Variants in DIS3L2 observed in about 807,000 individuals in gnomAD.
The protein encoded by DIS3L2 is DIS3 like 3'-5' exoribonuclease 2.
A neutral mutation model predicts 97.5 loss-of-function variants in DIS3L2; 34 were observed. The ratio of observed to expected loss-of-function variants is 0.35; its 90% CI spans 0.27 to 0.46. DIS3L2 has a LOEUF of 0.46. DIS3L2 is among the 20% of genes least tolerant of loss of function. The pLI, the probability that DIS3L2 is intolerant of heterozygous loss-of-function variation, is 1.00. For synonymous variants in DIS3L2, 435 were observed against 445.2 expected, an observed-to-expected ratio of 0.98 and a Z score of 0.29; for missense variants, 1,038 against 1,146.0, an observed-to-expected ratio of 0.91 and a Z score of 1.36.
intron 11 of DIS3L2, among the ~76,000 whole-genome samples, chr2:232,239,645 T>C (rs956937098): frequency 1.3e-5 from 2 of 152,176 alleles, no homozygotes; most frequent in African/African-American, 2.4e-5. Context: ...ATTTGCTCAT[T>C]GACTGCCCTA....
intron 1 of DIS3L2, among the ~76,000 whole-genome samples, chr2:231,976,108 A>G (rs763966489): frequency 5.9e-5 from 9 of 152,132 alleles, no homozygotes; most frequent in Non-Finnish European, 8.8e-5. Context: ...CAATAGTTTT[A>G]GGGGTACAAG....
chr2:232,218,538 A>C (rs958567364), intron 10 of DIS3L2, among the ~76,000 whole-genome samples: 1 of 152,154 alleles, frequency 6.6e-6, no homozygotes, highest in Non-Finnish European at 1.5e-5. Flanking sequence ...ATTTGAGGCC[A>C]GGAGTTCAAG....
At chr2:232,210,197 T>G (rs749787474) in intron 9 of DIS3L2, 129 bp from the exon 10 acceptor site, 24 of 659,318 alleles carry the variant, frequency 3.6e-5, no homozygotes, top group African/African-American at 5.4e-5. Flanking sequence ...CTCATTCTCG[T>G]AGAAGTTATT....
At chr2:232,103,452 G>A (rs903819912) in intron 6 of DIS3L2, among the ~76,000 whole-genome samples, 7 of 152,112 alleles carry the variant, frequency 4.6e-5, no homozygotes, top group African/African-American at 1.7e-4. Context: ...TGCCTTTTGA[G>A]CCTCTTTCAA....
intron 12 of DIS3L2, among the ~76,000 whole-genome samples, chr2:232,251,587 A>AT (rs1354629069): frequency 2.6e-5 from 4 of 152,216 alleles, no homozygotes; most frequent in East Asian, 1.9e-4. Context: ...GGAAGATGTG[A>AT]TTTTCCATAT....
intron 13 of DIS3L2, among the ~76,000 whole-genome samples, chr2:232,295,710 T>G (rs576420374): frequency 6.6e-6 from 1 of 152,368 alleles, no homozygotes; most frequent in African/African-American, 2.4e-5. Context: ...TCACTCATGA[T>G]TGCCATTTCC....
chr2:232,035,099 G>A (rs151153590), intron 5 of DIS3L2, among the ~76,000 whole-genome samples: 464 of 152,288 alleles, frequency 3.0e-3, no homozygotes, highest in African/African-American at 0.011. Flanking sequence ...ACAGTGGGGT[G>A]TTAAAGTCTC....
chr2:232,121,929 C>T (rs777195798), intron 6 of DIS3L2, among the ~76,000 whole-genome samples: 5 of 152,186 alleles, frequency 3.3e-5, no homozygotes, highest in African/African-American at 1.2e-4. Flanking sequence ...CTTCCATTCC[C>T]TTGGCCACTA....
intron 5 of DIS3L2, among the ~76,000 whole-genome samples, chr2:232,048,566 A>T (rs1695310381): frequency 1.3e-5 from 2 of 152,144 alleles, no homozygotes; most frequent in South Asian, 4.1e-4. Flanking sequence ...CCTTGTCTCT[A>T]TTAAAAATAT....
chr2:232,039,262 G>A (rs1047363199), intron 5 of DIS3L2, among the ~76,000 whole-genome samples: 6 of 152,168 alleles, frequency 3.9e-5, no homozygotes, highest in Non-Finnish European at 7.4e-5. Context: ...AGAATATTCG[G>A]ACTGTCATCA....
intron 9 of DIS3L2, among the ~76,000 whole-genome samples, chr2:232,173,755 A>G (rs1300918605): frequency 6.6e-6 from 1 of 152,138 alleles, no homozygotes; most frequent in African/African-American, 2.4e-5. Flanking sequence ...CCATAAATGT[A>G]TTGGTTTATT....
intron 9 of DIS3L2, among the ~76,000 whole-genome samples, chr2:232,199,149 C>T (rs1365663809): frequency 6.6e-6 from 1 of 152,192 alleles, no homozygotes; most frequent in Non-Finnish European, 1.5e-5. Flanking sequence ...TGATGTTCTA[C>T]TGGTTCCTAC....
chr2:232,005,930 G>A (rs1221478323), intron 1 of DIS3L2, among the ~76,000 whole-genome samples: 1 of 152,230 alleles, frequency 6.6e-6, no homozygotes, highest in Non-Finnish European at 1.5e-5. Flanking sequence ...GCTCATGCCT[G>A]TAATCCCAGC....
At chr2:232,169,304 T>C (rs1289356824) in intron 9 of DIS3L2, among the ~76,000 whole-genome samples, 1 of 152,214 alleles carries the variant, frequency 6.6e-6, no homozygotes, top group African/African-American at 2.4e-5. Context: ...TTTGCACATA[T>C]TGTTTATATA....
chr2:232,127,143 A>G (rs1196435139), intron 6 of DIS3L2, among the ~76,000 whole-genome samples: 4 of 152,142 alleles, frequency 2.6e-5, no homozygotes, highest in Non-Finnish European at 5.9e-5. Context: ...TGGGCTGGAA[A>G]GTTTCTCAGC....
At chr2:232,323,956 A>G (rs1312930336) in intron 14 of DIS3L2, among the ~76,000 whole-genome samples, 242 of 148,570 alleles carry the variant, frequency 1.6e-3, no homozygotes, top group African/African-American at 5.8e-3. Flanking sequence ...CCTGGAACAG[A>G]GCTGCCACCA....
At chr2:232,080,943 G>A (rs1173740347) in intron 5 of DIS3L2, among the ~76,000 whole-genome samples, 1 of 151,102 alleles carries the variant, frequency 6.6e-6, no homozygotes, top group Non-Finnish European at 1.5e-5. Context: ...TTAGAATCAG[G>A]ATTAAAATAA....
At chr2:232,105,907 G>A (rs1697346367) in intron 6 of DIS3L2, among the ~76,000 whole-genome samples, 1 of 152,138 alleles carries the variant, frequency 6.6e-6, no homozygotes, top group Non-Finnish European at 1.5e-5. Flanking sequence ...TTTCCAATAT[G>A]GTGTTCCTGA....
In DIS3L2 at chr2:232,329,855, C is replaced by G. The variant is rs765160562; in HGVS notation, c.1782C>G (p.Ala594=). ...EFMLLANMAV[A]HKIHRAFPEQ... ...TGCTCTTGGCCAACATGGCAGTGGC[C>G]CACAAGATCCACCGCGCCTTCCCCG... The change falls in exon 15 of 21, where the codon GCC becomes GCG. Residue 594 remains alanine, a synonymous_variant. Transcript: ENST00000325385. The G allele has an allele frequency of 1.4e-6, 2 of 1,399,022 alleles. No individual in the cohort carries two copies. 86.7% of individuals were successfully genotyped at this position (1,399,022 alleles called of 1,614,324 possible).
Sources: gnomAD v4.1 joint callset for allele counts (sites outside exome capture counted in the v4.1 genomes callset) on GRCh38, gnomAD v4.1.1 for gene constraint, MANE v1.5 for transcripts, NCBI Gene and HGNC (gene_info 2026-07-23, HGNC 2026-07-21) for gene names.